Variants in BMAL1 observed in about 807,000 individuals in gnomAD.
The protein encoded by BMAL1 is basic helix-loop-helix ARNT-like protein 1.
At chr11:13,290,406 A>C in the BMAL1 span, among the ~76,000 whole-genome samples, 1 of 152,254 alleles carries the variant, frequency 6.6e-6, no homozygotes, top group Admixed American at 6.5e-5. Flanking sequence ...TGGATGTTTC[A>C]TCTGTCCTGG....
the BMAL1 span, chr11:13,369,498 CT>C: frequency 8.5e-7 from 1 of 1,170,144 alleles, no homozygotes; most frequent in Non-Finnish European, 1.2e-6. Flanking sequence ...AGATATTTAT[CT>C]CATGTCATCA....
the BMAL1 span, among the ~76,000 whole-genome samples, chr11:13,345,813 G>C: frequency 6.6e-6 from 1 of 152,192 alleles, no homozygotes; most frequent in African/African-American, 2.4e-5. Context: ...ATTGTTTCCT[G>C]TTCCTGCTCT....
chr11:13,283,205 T>G, the BMAL1 span, among the ~76,000 whole-genome samples: 5 of 152,238 alleles, frequency 3.3e-5, no homozygotes, highest in Non-Finnish European at 5.9e-5. Context: ...AATTTAATAT[T>G]TGGCTATTGC....
the BMAL1 span, chr11:13,374,075 A>G: frequency 6.2e-7 from 1 of 1,603,810 alleles, no homozygotes; most frequent in South Asian, 1.1e-5. Flanking sequence ...TTCTTTAAAT[A>G]TTCCTTTATT....
At chr11:13,368,792 A>G in the BMAL1 span, among the ~76,000 whole-genome samples, 2 of 152,256 alleles carry the variant, frequency 1.3e-5, no homozygotes, top group African/African-American at 4.8e-5. Context: ...CAATAAAAAC[A>G]TAATGCAAAC....
At chr11:13,384,112 C>CT in the BMAL1 span, among the ~76,000 whole-genome samples, 548 of 151,372 alleles carry the variant, frequency 3.6e-3, 4 homozygotes, top group African/African-American at 0.011. Flanking sequence ...ATTTAGAATA[C>CT]TTTTTTTTTG....
the BMAL1 span, among the ~76,000 whole-genome samples, chr11:13,309,579 G>A: frequency 6.5e-3 from 993 of 152,188 alleles, 13 homozygotes; most frequent in African/African-American, 0.022. Flanking sequence ...GAAGTGAGTA[G>A]GTTATTTTTC....
chr11:13,370,634 C>G, the BMAL1 span, among the ~76,000 whole-genome samples: 1 of 152,140 alleles, frequency 6.6e-6, no homozygotes, highest in Admixed American at 6.5e-5. Context: ...AATGTTTGTC[C>G]CTTTCCATGC....
the BMAL1 span, among the ~76,000 whole-genome samples, chr11:13,322,886 C>T: frequency 7.2e-6 from 1 of 139,000 alleles, no homozygotes; most frequent in African/African-American, 2.7e-5. Context: ...AAATCTTGGG[C>T]TTCAAGGGAT....
chr11:13,315,735 C>G, the BMAL1 span, among the ~76,000 whole-genome samples: 1 of 152,174 alleles, frequency 6.6e-6, no homozygotes, highest in Non-Finnish European at 1.5e-5. Flanking sequence ...ACTGGGCAGC[C>G]CTTTTGAGCC....
chr11:13,383,662 A>G, the BMAL1 span, among the ~76,000 whole-genome samples: 2 of 151,930 alleles, frequency 1.3e-5, no homozygotes, highest in African/African-American at 4.8e-5. Flanking sequence ...AAGTCTGGGC[A>G]ACATAGAGAA....
the BMAL1 span, among the ~76,000 whole-genome samples, chr11:13,285,113 C>A: frequency 6.6e-6 from 1 of 152,190 alleles, no homozygotes; most frequent in Non-Finnish European, 1.5e-5. Context: ...CATTTGTTCC[C>A]TTTGTGTGTG....
the BMAL1 span, among the ~76,000 whole-genome samples, chr11:13,351,157 G>T: frequency 6.6e-6 from 1 of 152,194 alleles, no homozygotes; most frequent in Non-Finnish European, 1.5e-5. Flanking sequence ...TTTGCATTAT[G>T]TGGATATTCA....
the BMAL1 span, among the ~76,000 whole-genome samples, chr11:13,296,968 G>T: frequency 6.6e-6 from 1 of 152,290 alleles, no homozygotes; most frequent in East Asian, 1.9e-4. Flanking sequence ...CCTGGGTGCT[G>T]CTTGGCCTCA....
the BMAL1 span, chr11:13,385,644 C>A: frequency 6.8e-7 from 1 of 1,469,346 alleles, no homozygotes; most frequent in Non-Finnish European, 9.5e-7. Context: ...TGGCATTGCT[C>A]ATAATACTGA....
chr11:13,369,575 A>G, the BMAL1 span: 2 of 1,610,762 alleles, frequency 1.2e-6, no homozygotes, highest in Non-Finnish European at 1.7e-6. Flanking sequence ...CCTGACAGAC[A>G]ACACTGCTCT....
At chr11:13,325,657 TTGTGTGTG>T in the BMAL1 span, among the ~76,000 whole-genome samples, 91 of 134,410 alleles carry the variant, frequency 6.8e-4, no homozygotes, top group African/African-American at 1.8e-3. Context: ...TTGAGACCTT[TTGTGTGTG>T]TGTGTGTGTG....
the BMAL1 span, among the ~76,000 whole-genome samples, chr11:13,306,766 A>G: frequency 1.3e-5 from 2 of 152,260 alleles, no homozygotes; most frequent in Admixed American, 6.5e-5. Flanking sequence ...TACTGGTTCC[A>G]TGACTGGGAA....
At chr11:13,377,741 A>T in the BMAL1 span, among the ~76,000 whole-genome samples, 1 of 152,150 alleles carries the variant, frequency 6.6e-6, no homozygotes. Flanking sequence ...TCATGCTCTC[A>T]TCATCATTTA....
Sources: allele counts gnomAD v4.1 joint callset (sites outside exome capture counted in the v4.1 genomes callset), GRCh38; gene constraint gnomAD v4.1.1; transcripts MANE v1.5; gene names NCBI Gene and HGNC (gene_info 2026-07-23, HGNC 2026-07-21).